The following RAPGEF5 variants were observed in gnomAD, a reference collection of about 807,000 sequenced individuals.
RAPGEF5 encodes the protein M-Ras-regulated GEF.
Under a neutral mutation model 125.2 loss-of-function variants are expected in RAPGEF5, and 65 were observed. The ratio of observed to expected loss-of-function variants is 0.52; its 90% CI spans 0.43 to 0.64. The LOEUF (loss-of-function observed/expected upper bound fraction) is 0.64. Among genes scored for constraint, RAPGEF5 ranks in the 30% least tolerant of loss-of-function variants. The pLI is 0.00. For missense variants in RAPGEF5, 958 were observed against 1,048.1 expected (o/e 0.91, Z 1.19); for synonymous variants, 391 against 385.9 (o/e 1.01, Z -0.16).
intron 6 of RAPGEF5, among the ~76,000 whole-genome samples, chr7:22,290,731 C>G (rs1376951710): frequency 1.3e-4 from 16 of 126,840 alleles, no homozygotes; most frequent in Non-Finnish European, 2.2e-4. Context: ...GGCGACAGAG[C>G]GAGACTCCGT....
chr7:22,179,228 C>T (rs896777196), intron 11 of RAPGEF5, among the ~76,000 whole-genome samples: 7 of 152,068 alleles, frequency 4.6e-5, no homozygotes, highest in Non-Finnish European at 1.0e-4. Context: ...AATAATACTT[C>T]TTCCAAGCAA....
intron 1 of RAPGEF5, among the ~76,000 whole-genome samples, chr7:22,344,513 C>A (rs1784187335): frequency 6.6e-6 from 1 of 152,194 alleles, no homozygotes; most frequent in African/African-American, 2.4e-5. Context: ...ACAGACACTG[C>A]AAGCACCACA....
At position 22,252,786 on chromosome 7, in the gene RAPGEF5, A is replaced by C. The variant is rs535521145; in HGVS notation, c.796+14178T>G. On this transcript the variant is annotated intron_variant, in intron 7 of 25. Coordinates refer to ENST00000665637, the MANE Select transcript of RAPGEF5 (RefSeq NM_012294.5). ...TTCTTTGTATCCCAGTGGGAGAGTT[A>C]GAAAAAATTTACAAAGCATCTGCTG... Among the ~76,000 whole-genome samples, 255 of 152,360 alleles carry C rather than the reference A, an allele frequency of 1.7e-3. 2 individuals carry two copies. Among genetic ancestry groups the C allele is most frequent in the Middle Eastern group, 6.8e-3 (2 of 294 alleles).
intron 18 of RAPGEF5, 123 bp downstream of exon 18, chr7:22,150,284 G>T: frequency 2.1e-6 from 2 of 932,400 alleles, no homozygotes; most frequent in Non-Finnish European, 3.2e-6. Flanking sequence ...AAACTTCTAA[G>T]CTGGTCTCAA....
intron 11 of RAPGEF5, among the ~76,000 whole-genome samples, chr7:22,183,892 T>G (rs1784751085): frequency 6.6e-6 from 1 of 152,222 alleles, no homozygotes; most frequent in South Asian, 2.1e-4. Flanking sequence ...TCCATAATTC[T>G]TATAGTCTGG....
At chr7:22,271,129 C>G (rs1270578463) in intron 6 of RAPGEF5, among the ~76,000 whole-genome samples, 1 of 152,072 alleles carries the variant, frequency 6.6e-6, no homozygotes, top group Non-Finnish European at 1.5e-5. Flanking sequence ...GAGTTTTCAT[C>G]TAGTTCAGCA....
intron 25 of RAPGEF5, 50 bp from the exon 26 acceptor site, chr7:22,122,571 G>A (rs1047148384): frequency 7.3e-7 from 1 of 1,363,352 alleles, no homozygotes; most frequent in Non-Finnish European, 1.0e-6. Context: ...CAGTAATGCT[G>A]TATCTACATA....
At chr7:22,145,737 C>T (rs750190527) in intron 19 of RAPGEF5, among the ~76,000 whole-genome samples, 10 of 152,050 alleles carry the variant, frequency 6.6e-5, no homozygotes, top group African/African-American at 1.4e-4. Context: ...GTGGAGGGGC[C>T]GGAAATCTGC....
chr7:22,160,556 C>T lies in RAPGEF5; in HGVS notation c.1488G>A (p.Leu496=). 6.5e-7 allele frequency: 1 copy of T among 1,548,754 alleles called. No homozygotes were observed. Among genetic ancestry groups the T allele is most frequent in the Non-Finnish European group, 8.7e-7 (1 of 1,146,544 alleles). ...TTCCAAGTATCTTTTGAAATTCTTT[C>T]AATTCTTTTTCAAGTATTGGATATT... ...VYEYPILEKE[L]KEFQKILGMH... The change falls in exon 14 of 26, where the codon TTG becomes TTA. Residue 496 remains leucine (L), a synonymous_variant. Coordinates refer to ENST00000665637, the MANE Select transcript of RAPGEF5 (RefSeq NM_012294.5).
intron 24 of RAPGEF5, among the ~76,000 whole-genome samples, chr7:22,129,044 C>G (rs747364406): frequency 3.3e-5 from 5 of 152,058 alleles, no homozygotes; most frequent in Non-Finnish European, 7.4e-5. Flanking sequence ...CGTTAAGAGG[C>G]TTCTGCTGGA....
At chr7:22,328,335 G>A (rs977135946) in intron 1 of RAPGEF5, among the ~76,000 whole-genome samples, 1 of 152,228 alleles carries the variant, frequency 6.6e-6, no homozygotes, top group African/African-American at 2.4e-5. Flanking sequence ...GTGAGGGTTA[G>A]GTCCCATTTC....
chr7:22,119,647 C>G lies in RAPGEF5; in HGVS notation c.*2759G>C, dbSNP rs1782523988. The G allele has an allele frequency of 6.6e-6, 1 of 152,162 alleles. No individual in the cohort carries two copies. The highest frequency in any genetic ancestry group is 6.5e-5 in the Admixed American group (1 of 15,272). 9.4% of individuals were successfully genotyped at this position (152,162 alleles called of 1,614,324 possible). Reference sequence around the variant, plus strand: ...CCCACAGGACTGTCTGAGAGTTGTGCTGTAACAAAAAGAGCCCACTTAGAA... The same window carrying G: ...CCCACAGGACTGTCTGAGAGTTGTGGTGTAACAAAAAGAGCCCACTTAGAA... On this transcript the variant is annotated 3_prime_UTR_variant, in exon 26 of 26. Transcript: ENST00000665637. The surrounding 1 kb of genome is among the most constrained non-coding windows in gnomAD (Gnocchi z 4.1).
At chr7:22,147,862 A>G (rs1783493357) in intron 18 of RAPGEF5, among the ~76,000 whole-genome samples, 1 of 152,264 alleles carries the variant, frequency 6.6e-6, no homozygotes, top group Non-Finnish European at 1.5e-5. Context: ...ATGACATAGT[A>G]GGATAAAGGG....
At chr7:22,166,031 A>G (rs1784150600) in intron 12 of RAPGEF5, among the ~76,000 whole-genome samples, 1 of 147,800 alleles carries the variant, frequency 6.8e-6, no homozygotes, top group African/African-American at 2.5e-5. Flanking sequence ...CTATCTATAT[A>G]CCAAATATAT....
intron 6 of RAPGEF5, among the ~76,000 whole-genome samples, chr7:22,270,284 C>A (rs577258016): frequency 6.6e-6 from 1 of 152,356 alleles, no homozygotes; most frequent in African/African-American, 2.4e-5. Context: ...TGCTCTCACA[C>A]TGCTTACCTG....
intron 8 of RAPGEF5, among the ~76,000 whole-genome samples, chr7:22,221,377 T>C (rs1368477748): frequency 6.6e-6 from 1 of 152,212 alleles, no homozygotes; most frequent in African/African-American, 2.4e-5. Flanking sequence ...TTTAAAGCAA[T>C]GGAAACTAGG....
chr7:22,347,287 T>C (rs1784240769), intron 1 of RAPGEF5, among the ~76,000 whole-genome samples: 1 of 152,188 alleles, frequency 6.6e-6, no homozygotes, highest in African/African-American at 2.4e-5. Flanking sequence ...GTTAATATAA[T>C]CTTAATTTAC....
chr7:22,122,680 T>G (rs1782617434), intron 25 of RAPGEF5, among the ~76,000 whole-genome samples, 159 bp from the exon 26 acceptor site: 1 of 152,224 alleles, frequency 6.6e-6, no homozygotes. Flanking sequence ...TAGAAATGCT[T>G]TTTCAGCTCA....
chr7:22,217,463 A>G (rs1785666551), intron 9 of RAPGEF5, among the ~76,000 whole-genome samples: 1 of 152,244 alleles, frequency 6.6e-6, no homozygotes, highest in Non-Finnish European at 1.5e-5. Context: ...TGCCCAAGAC[A>G]TAAAAGATTG....
Sources: allele counts gnomAD v4.1 joint callset (sites outside exome capture counted in the v4.1 genomes callset), GRCh38; gene constraint gnomAD v4.1.1; non-coding constraint Gnocchi (gnomAD v3.1); transcripts MANE v1.5; gene names NCBI Gene and HGNC (gene_info 2026-07-23, HGNC 2026-07-21).